SNX29: variants seen among roughly 807,000 people sequenced by gnomAD.
The protein encoded by SNX29 is sorting nexin 29.
A neutral mutation model predicts 102.1 loss-of-function variants in SNX29; 78 were observed. The observed-to-expected ratio is 0.76, with a 90% confidence interval of 0.64 to 0.92. SNX29 has a LOEUF of 0.92. Among genes scored for constraint, SNX29 ranks in the 40% least tolerant of loss-of-function variants. The pLI, the probability that SNX29 is intolerant of heterozygous loss-of-function variation, is 0.00. For missense variants in SNX29, 1,280 were observed against 1,061.7 expected (o/e 1.21, Z -2.86); for synonymous variants, 580 against 414.5 (o/e 1.40, Z -4.85).
intron 18 of SNX29, among the ~76,000 whole-genome samples, chr16:12,434,979 G>C (rs553651609): frequency 4.6e-4 from 70 of 151,758 alleles, no homozygotes; most frequent in African/African-American, 1.3e-3. Context: ...GGGGGCGGTG[G>C]GGGGGGTTTG....
At chr16:12,056,602 C>G (rs940995869) in intron 8 of SNX29, among the ~76,000 whole-genome samples, 3 of 152,178 alleles carry the variant, frequency 2.0e-5, no homozygotes, top group African/African-American at 7.2e-5. Flanking sequence ...CTGGCAGAGT[C>G]TGCTGCCCTG....
At chr16:12,146,826 A>C (rs1359134535) in intron 13 of SNX29, among the ~76,000 whole-genome samples, 2 of 152,236 alleles carry the variant, frequency 1.3e-5, no homozygotes, top group Non-Finnish European at 2.9e-5. Context: ...TAATGGGAGC[A>C]CCTTCTCAAA....
Position 12,182,446 on chromosome 16 carries a change from C to G in SNX29, c.1596-17155C>G, listed in dbSNP as rs2076408790. ...TCATTTTGCTTCACAAAAGTAATTA[C>G]TCTGATGGCTGCTAACGCTTGCTCA... is the stretch of plus-strand genomic sequence containing the variant. On this transcript the variant is annotated intron_variant, in intron 13 of 20. Transcript: ENST00000566228. Among the ~76,000 whole-genome samples, 6 of 152,200 alleles carry G rather than the reference C, an allele frequency of 3.9e-5. No individual in the cohort carries two copies. The South Asian group carries it at 1.2e-3, about 32-fold the overall frequency.
At position 12,398,500 on chromosome 16, in the gene SNX29, A is replaced by G; in HGVS notation, c.1954A>G (p.Ile652Val). Residue 652 changes from isoleucine to valine, a missense_variant and splice_region_variant, in exon 17 of 21, where the codon ATA becomes GTA. Transcript: ENST00000566228. Reference protein sequence around the residue: ...SEDQSLSDFEISNRALINVWI... With the variant: ...SEDQSLSDFEVSNRALINVWI... ...AGACCAGAGTTTGTCGGATTTTGAA[A>G]TGTAAGTCCACAGCCTGTGCTCACA... 1.2e-6 allele frequency: 2 copies of G among 1,613,988 alleles called. No homozygotes were observed. Among genetic ancestry groups the G allele is most frequent in the Non-Finnish European group, 1.7e-6 (2 of 1,179,866 alleles).
chr16:12,446,981 A>C (rs2086085339), intron 18 of SNX29, among the ~76,000 whole-genome samples: 1 of 151,786 alleles, frequency 6.6e-6, no homozygotes, highest in African/African-American at 2.4e-5. Flanking sequence ...CCTGACCAAC[A>C]TGGTGAGACC....
At chr16:12,039,360 C>T (rs1440937854) in intron 4 of SNX29, among the ~76,000 whole-genome samples, 1 of 152,068 alleles carries the variant, frequency 6.6e-6, no homozygotes, top group Non-Finnish European at 1.5e-5. Flanking sequence ...GTGACTTGCT[C>T]AAGGTCATTT....
chr16:12,284,576 A>G (rs1360998405), intron 15 of SNX29, among the ~76,000 whole-genome samples: 1 of 152,272 alleles, frequency 6.6e-6, no homozygotes, highest in Non-Finnish European at 1.5e-5. Context: ...CTGGAGTTGT[A>G]TAAGAATGCA....
intron 14 of SNX29, among the ~76,000 whole-genome samples, chr16:12,210,608 T>G (rs1488054761): frequency 1.3e-5 from 2 of 152,090 alleles, no homozygotes; most frequent in Admixed American, 6.5e-5. Flanking sequence ...ACTCCTCCAC[T>G]GCCGAGCTTC....
Position 12,570,259 on chromosome 16 carries a change from T to G in SNX29, c.*1630T>G. 1 of 1,064,960 alleles carries G rather than the reference T, an allele frequency of 9.4e-7. No homozygotes were observed. Among genetic ancestry groups the G allele is most frequent in the Non-Finnish European group, 1.1e-6 (1 of 879,126 alleles). 66.0% of individuals were successfully genotyped at this position (1,064,960 alleles called of 1,614,324 possible). A position where few individuals can be genotyped will look rare whatever the true frequency, so the allele number is the denominator to read the frequency against. On this transcript the variant is annotated 3_prime_UTR_variant, in exon 21 of 21. Transcript: ENST00000566228. ...GTGAGACCAAATGAGCTGGAGCATG[T>G]ATGGAGGTGCGGACCCTGCAGTCAG...
At chr16:12,203,608 T>C (rs1387020670) in intron 14 of SNX29, among the ~76,000 whole-genome samples, 11 of 152,124 alleles carry the variant, frequency 7.2e-5, no homozygotes, top group Admixed American at 7.2e-4. Flanking sequence ...GGTGGTATCA[T>C]TCTTTGGGTG....
chr16:12,287,186 AG>A (rs1177063344), intron 15 of SNX29, among the ~76,000 whole-genome samples: 2 of 152,174 alleles, frequency 1.3e-5, no homozygotes, highest in Non-Finnish European at 2.9e-5. Flanking sequence ...TAGTCATGTC[AG>A]CAGCACACTA....
chr16:12,269,584 C>T (rs1332184577), intron 14 of SNX29, among the ~76,000 whole-genome samples: 1 of 152,114 alleles, frequency 6.6e-6, no homozygotes, highest in Non-Finnish European at 1.5e-5. Flanking sequence ...TTCTTGGATT[C>T]CAGCAGGTGT....
chr16:12,155,317 T>C (rs1374913671), intron 13 of SNX29, among the ~76,000 whole-genome samples: 3 of 152,192 alleles, frequency 2.0e-5, no homozygotes, highest in African/African-American at 7.2e-5. Flanking sequence ...AATCCTGTGT[T>C]AAGTCGGTGG....
chr16:12,084,147 A>ATT (rs74839237), intron 11 of SNX29, among the ~76,000 whole-genome samples: 2 of 147,072 alleles, frequency 1.4e-5, no homozygotes, highest in East Asian at 4.0e-4. Flanking sequence ...GAAAAAGTTA[A>ATT]TTTTTTTTTT....
intron 11 of SNX29, among the ~76,000 whole-genome samples, chr16:12,105,473 C>G (rs1215084669): frequency 6.6e-6 from 1 of 152,030 alleles, no homozygotes; most frequent in Non-Finnish European, 1.5e-5. Context: ...CTGCCTATTT[C>G]AGCCTCCCAA....
chr16:12,303,312 C>G (rs918716732), intron 15 of SNX29, among the ~76,000 whole-genome samples: 1 of 152,172 alleles, frequency 6.6e-6, no homozygotes, highest in African/African-American at 2.4e-5. Context: ...CAGCATCGCT[C>G]ACGATGGCAA....
At chr16:12,524,944 A>G in intron 20 of SNX29, 103 bp downstream of exon 20, 3 of 1,497,544 alleles carry the variant, frequency 2.0e-6, no homozygotes, top group Non-Finnish European at 2.7e-6. Flanking sequence ...TGATGCCCTG[A>G]TCGCCATGGG....
chr16:12,450,689 G>T (rs1171842694), intron 18 of SNX29, among the ~76,000 whole-genome samples: 1 of 152,216 alleles, frequency 6.6e-6, no homozygotes, highest in Non-Finnish European at 1.5e-5. Context: ...GAGCTAGTCA[G>T]ATGGGCTTTG....
chr16:12,384,954 T>A (rs2083293660), intron 16 of SNX29, among the ~76,000 whole-genome samples: 1 of 152,198 alleles, frequency 6.6e-6, no homozygotes, highest in South Asian at 2.1e-4. Flanking sequence ...GTGGATCACC[T>A]GAGGTCAGGA....
Sources: gnomAD v4.1 joint callset for allele counts (sites outside exome capture counted in the v4.1 genomes callset) on GRCh38, gnomAD v4.1.1 for gene constraint, MANE v1.5 for transcripts, NCBI Gene and HGNC (gene_info 2026-07-23, HGNC 2026-07-21) for gene names.